The following HS3ST5 variants were observed in gnomAD, a reference collection of about 807,000 sequenced individuals.
The protein encoded by HS3ST5 is heparan sulfate-glucosamine 3-sulfotransferase 5.
Under a neutral mutation model 25.4 loss-of-function variants are expected in HS3ST5, and 10 were observed. The observed-to-expected ratio is 0.39, with a 90% CI of 0.24 to 0.67. HS3ST5 has a LOEUF of 0.67. Among genes scored for constraint, HS3ST5 ranks in the 30% least tolerant of loss-of-function variants. HS3ST5 has a pLI of 0.44. For synonymous variants in HS3ST5, 170 were observed against 162.4 expected (o/e 1.05, Z -0.36); for missense variants, 324 against 420.7 (o/e 0.77, Z 2.01).
At chr6:114,190,706 T>C (rs1462898272) in intron 2 of HS3ST5, among the ~76,000 whole-genome samples, 2 of 152,196 alleles carry the variant, frequency 1.3e-5, no homozygotes, top group African/African-American at 4.8e-5. Context: ...AAAGTCTCTG[T>C]ATGGGTCCTA....
At chr6:114,135,973 C>G (rs530641485) in intron 3 of HS3ST5, among the ~76,000 whole-genome samples, 1 of 152,322 alleles carries the variant, frequency 6.6e-6, no homozygotes, top group South Asian at 2.1e-4. Context: ...AATCCCATAC[C>G]AGGAAGGCAG....
Position 114,055,812 on chromosome 6 carries a change from T to C in HS3ST5, c.*1445A>G, listed in dbSNP as rs1298797326. On this transcript the variant is annotated 3_prime_UTR_variant, in exon 5 of 5. Transcript: ENST00000312719. ...GATTGTGAGAAAAAAAAAATCCATC[T>C]TTTTGTTGTCGTTGTTAATACCCCT... The C allele has an allele frequency of 6.6e-6, 1 of 152,194 alleles. No individual in the cohort carries two copies. The highest frequency in any genetic ancestry group is 1.5e-5 in the Non-Finnish European group (1 of 68,034). 9.4% of individuals were successfully genotyped at this position (152,194 alleles called of 1,614,324 possible). A position where few individuals can be genotyped will look rare whatever the true frequency, so the allele number is the denominator to read the frequency against.
At chr6:114,091,636 A>T (rs2114795020) in intron 3 of HS3ST5, among the ~76,000 whole-genome samples, 1 of 151,990 alleles carries the variant, frequency 6.6e-6, no homozygotes, top group East Asian at 1.9e-4. Context: ...GTGAGCCGAG[A>T]TTGCGCCACT....
rs553437038 is a variant in HS3ST5 at position 114,220,436 on chromosome 6, A to C, written c.-145+8149T>G. Among the ~76,000 whole-genome samples, 11 of 152,122 alleles carry C rather than the reference A, an allele frequency of 7.2e-5. No individual in the cohort carries two copies. The East Asian group carries it at 2.1e-3, about 29-fold the overall frequency. On this transcript the variant is annotated intron_variant, in intron 2 of 4. Transcript: ENST00000312719. Reference sequence around the variant, plus strand: ...TTCCAGTGAGTTATGTAATTTTCCCATATGAGGTTTCAAAGAGTTTTCAAA... The same window carrying C: ...TTCCAGTGAGTTATGTAATTTTCCCCTATGAGGTTTCAAAGAGTTTTCAAA...
intron 2 of HS3ST5, among the ~76,000 whole-genome samples, chr6:114,223,192 A>T (rs1253776783): frequency 1.3e-5 from 2 of 151,646 alleles, no homozygotes. Context: ...AACATATATG[A>T]CATTTCTTCA....
intron 3 of HS3ST5, among the ~76,000 whole-genome samples, chr6:114,134,310 CAG>C (rs1406421963): frequency 6.6e-6 from 1 of 152,142 alleles, no homozygotes; most frequent in African/African-American, 2.4e-5. Context: ...AAAATGAGGT[CAG>C]GGGAGGTTAA....
intron 1 of HS3ST5, among the ~76,000 whole-genome samples, chr6:114,322,414 G>T (rs1776005537): frequency 6.6e-6 from 1 of 151,878 alleles, no homozygotes. Flanking sequence ...CTTTTTCCTT[G>T]TACTGTGTTT....
At chr6:114,285,939 T>C (rs1319351376) in intron 1 of HS3ST5, among the ~76,000 whole-genome samples, 1 of 151,938 alleles carries the variant, frequency 6.6e-6, no homozygotes, top group African/African-American at 2.4e-5. Context: ...ATGAACAAAA[T>C]AGGTTCCAAA....
chr6:114,159,306 A>AT (rs539536248), intron 3 of HS3ST5, among the ~76,000 whole-genome samples: 3 of 152,296 alleles, frequency 2.0e-5, no homozygotes, highest in Admixed American at 2.0e-4. Flanking sequence ...TCATAGTAGC[A>AT]TTTTTTTCAA....
At chr6:114,231,597 T>C (rs1582741242) in intron 1 of HS3ST5, among the ~76,000 whole-genome samples, 2 of 152,096 alleles carry the variant, frequency 1.3e-5, no homozygotes, top group East Asian at 3.9e-4. Context: ...CTGAACGCTC[T>C]AGGTGGTTTG....
chr6:114,084,825 TTTC>T (rs1389013982), intron 3 of HS3ST5: 10 of 657,006 alleles, frequency 1.5e-5, no homozygotes, highest in South Asian at 3.3e-5. Flanking sequence ...TCTTTTTTCT[TTTC>T]TTTTCTTTTT....
intron 3 of HS3ST5, among the ~76,000 whole-genome samples, chr6:114,133,772 C>T (rs559144826): frequency 1.2e-3 from 182 of 152,262 alleles, no homozygotes; most frequent in Middle Eastern, 3.4e-3. Context: ...ATGTGCAGGA[C>T]ATTTCAGTAG....
At chr6:114,197,906 G>T (rs1163740244) in intron 2 of HS3ST5, among the ~76,000 whole-genome samples, 1 of 152,026 alleles carries the variant, frequency 6.6e-6, no homozygotes, top group Non-Finnish European at 1.5e-5. Flanking sequence ...ACCTCCAAAG[G>T]ATCACACTAG....
chr6:114,092,651 C>CTTATTTATTTAT (rs10691266), intron 3 of HS3ST5, among the ~76,000 whole-genome samples: 1 of 146,646 alleles, frequency 6.8e-6, no homozygotes, highest in Non-Finnish European at 1.5e-5. Context: ...AGATGTCAGG[C>CTTATTTATTTAT]TTATTTATTT....
At chr6:114,082,417 T>A (rs1774504726) in intron 3 of HS3ST5, among the ~76,000 whole-genome samples, 1 of 152,232 alleles carries the variant, frequency 6.6e-6, no homozygotes, top group South Asian at 2.1e-4. Flanking sequence ...AGTAAAGACC[T>A]CTTAGGTTAG....
In HS3ST5 at chr6:114,057,037, A is replaced by G. The variant is rs372505575; in HGVS notation, c.*220T>C. On this transcript the variant is annotated 3_prime_UTR_variant, in exon 5 of 5. Coordinates refer to ENST00000312719, the MANE Select transcript of HS3ST5 (RefSeq NM_153612.4). ...TACCACCACCTCTTCTCTTTTGTAA[A>G]TAGCTTAAAAGATGCGACTATGCAG... is the stretch of plus-strand genomic sequence containing the variant. 4.6e-6 allele frequency: 2 copies of G among 438,136 alleles called. No individual in the cohort carries two copies. The highest frequency in any genetic ancestry group is 1.3e-4 in the South Asian group (2 of 15,982). 27.1% of individuals were successfully genotyped at this position (438,136 alleles called of 1,614,324 possible).
In HS3ST5 at chr6:114,055,919, G is replaced by A. The variant is rs1213543962; in HGVS notation, c.*1338C>T. 6.6e-6 allele frequency: 1 copy of A among 152,158 alleles called. No individual in the cohort carries two copies. The highest frequency in any genetic ancestry group is 2.4e-5 in the African/African-American group (1 of 41,428). The allele number at this position is 152,158 out of a possible 1,614,324, so 9.4% of individuals were successfully genotyped here. ...GCACCAATTTAGCATTAATTTCTCT[G>A]GATGGAAATATGAGCCATATGTTTA... On this transcript the variant is annotated 3_prime_UTR_variant, in exon 5 of 5. Coordinates refer to ENST00000312719, the MANE Select transcript of HS3ST5 (RefSeq NM_153612.4).
intron 1 of HS3ST5, among the ~76,000 whole-genome samples, chr6:114,331,458 A>G (rs569468253): frequency 6.6e-6 from 1 of 152,314 alleles, no homozygotes; most frequent in East Asian, 1.9e-4. Context: ...GAGGAAAGCA[A>G]AGAACATAAT....
rs148647440 is a variant in HS3ST5, at chr6:114,170,027, T to G, written c.-144-1565A>C. On this transcript the variant is annotated intron_variant, in intron 2 of 4. Transcript: ENST00000312719. ...CACAATCTTCAAAGCTGTGAGTAGA[T>G]ACACTTCAGCTTTATCAGCTCTTTC... 5.2e-3 allele frequency among the ~76,000 whole-genome samples: 799 copies of G among 152,294 alleles called. 6 individuals are homozygous for G. The highest frequency in any genetic ancestry group is 0.016 in the African/African-American group (659 of 41,574).
Sources: gnomAD v4.1 joint callset for allele counts (sites outside exome capture counted in the v4.1 genomes callset) on GRCh38, gnomAD v4.1.1 for gene constraint, MANE v1.5 for transcripts, NCBI Gene and HGNC (gene_info 2026-07-23, HGNC 2026-07-21) for gene names.